PHACTR1: variants seen among roughly 807,000 people sequenced by gnomAD.
PHACTR1 encodes the protein phosphatase and actin regulator 1.
Under a neutral mutation model 69.2 loss-of-function variants are expected in PHACTR1, and 16 were observed. That is an observed-to-expected ratio of 0.23 (90% CI 0.16 to 0.35). The LOEUF is 0.35. Among genes scored for constraint, PHACTR1 ranks in the 10% least tolerant of loss-of-function variants. The pLI, the probability that PHACTR1 is intolerant of heterozygous loss-of-function variation, is 1.00. For missense variants in PHACTR1, 510 were observed against 734.7 expected, an observed-to-expected ratio of 0.69 and a Z score of 3.54; for synonymous variants, 312 against 284.5, an observed-to-expected ratio of 1.10 and a Z score of -0.97.
At chr6:12,891,176 T>G (rs1199032923) in intron 4 of PHACTR1, among the ~76,000 whole-genome samples, 1 of 152,180 alleles carries the variant, frequency 6.6e-6, no homozygotes, top group Non-Finnish European at 1.5e-5. Flanking sequence ...TAGTATCAAT[T>G]TTTCTTGGGG....
chr6:12,950,964 C>T (rs1022157047), intron 4 of PHACTR1, among the ~76,000 whole-genome samples: 8 of 152,172 alleles, frequency 5.3e-5, no homozygotes, highest in African/African-American at 1.9e-4. Flanking sequence ...ACACAAATTC[C>T]ACATGGTGCC....
At chr6:12,940,442 G>A (rs1342022298) in intron 4 of PHACTR1, among the ~76,000 whole-genome samples, 1 of 152,172 alleles carries the variant, frequency 6.6e-6, no homozygotes, top group Non-Finnish European at 1.5e-5. Flanking sequence ...CAGGGTAAGA[G>A]GCTGGAAGAG....
At chr6:13,058,807 T>G (rs1343243582) in intron 5 of PHACTR1, among the ~76,000 whole-genome samples, 1 of 152,032 alleles carries the variant, frequency 6.6e-6, no homozygotes, top group Non-Finnish European at 1.5e-5. Context: ...GTGAGCCGTC[T>G]AGGAGAGCGA....
At chr6:12,854,872 A>G (rs1780185972) in intron 4 of PHACTR1, among the ~76,000 whole-genome samples, 1 of 152,192 alleles carries the variant, frequency 6.6e-6, no homozygotes, top group Non-Finnish European at 1.5e-5. Context: ...GGCTATTATT[A>G]AAAAGTCAAA....
intron 4 of PHACTR1, among the ~76,000 whole-genome samples, chr6:12,944,787 A>ATTTATTTTTTTTTT (rs1554172585): frequency 3.4e-5 from 4 of 116,338 alleles, no homozygotes; most frequent in African/African-American, 1.3e-4. Flanking sequence ...ATTTTTATTT[A>ATTTATTTTTTTTTT]TTTTTTTTTT....
At chr6:13,237,202 A>C (rs564272042) in intron 10 of PHACTR1, among the ~76,000 whole-genome samples, 9 of 152,236 alleles carry the variant, frequency 5.9e-5, no homozygotes, top group African/African-American at 2.2e-4. Context: ...CACAGACCCC[A>C]TGTTGACAAA....
chr6:12,940,403 G>T (rs984415688), intron 4 of PHACTR1, among the ~76,000 whole-genome samples: 15 of 152,192 alleles, frequency 9.9e-5, no homozygotes, highest in Admixed American at 9.8e-4. Flanking sequence ...TTGGTTTAGG[G>T]TTACTTTTCT....
chr6:12,827,426 C>G (rs758303924), intron 4 of PHACTR1, among the ~76,000 whole-genome samples: 16 of 152,172 alleles, frequency 1.1e-4, no homozygotes, highest in Non-Finnish European at 1.3e-4. Context: ...CAAAGGCCTT[C>G]TAATCCAAAG....
Position 13,246,279 on chromosome 6 carries a change from A to C in PHACTR1, c.1391+16086A>C, listed in dbSNP as rs1373318033. Among the ~76,000 whole-genome samples, 1 of 152,224 alleles carries C rather than the reference A, an allele frequency of 6.6e-6. No individual in the cohort carries two copies. ...CTTTAAAAAACATATTCAGTTATCA[A>C]AAGGCCCATGTAAAAGGAATCCTTG... On this transcript the variant is annotated intron_variant, in intron 10 of 14. Coordinates refer to ENST00000332995, the MANE Select transcript of PHACTR1 (RefSeq NM_030948.6). This position sits in a 1 kb window ranked among gnomAD's most constrained non-coding sequence, Gnocchi z 4.2.
chr6:12,886,629 G>T (rs1783671157), intron 4 of PHACTR1, among the ~76,000 whole-genome samples: 1 of 152,158 alleles, frequency 6.6e-6, no homozygotes, highest in African/African-American at 2.4e-5. Context: ...ATCAGTGCAT[G>T]GTTGGGGAAG....
At chr6:12,911,242 CTT>C (rs1002127268) in intron 4 of PHACTR1, among the ~76,000 whole-genome samples, 1 of 152,080 alleles carries the variant, frequency 6.6e-6, no homozygotes, top group Non-Finnish European at 1.5e-5. Context: ...TTTCCAAACT[CTT>C]TGTAGGTTCG....
chr6:13,122,448 G>T lies in PHACTR1; in HGVS notation c.416-37756G>T, dbSNP rs566617378. On this transcript the variant is annotated intron_variant, in intron 5 of 14. Coordinates refer to ENST00000332995, the MANE Select transcript of PHACTR1 (RefSeq NM_030948.6). ...TCAGAAGAAGTAAAGCTTTAAAAAT[G>T]TGTGTGCACATCAGCATGGTGCTTG... 2.6e-5 allele frequency among the ~76,000 whole-genome samples: 4 copies of T among 152,292 alleles called. No homozygotes were observed. In the South Asian group the frequency reaches 8.3e-4, roughly 32 times the overall value.
intron 5 of PHACTR1, among the ~76,000 whole-genome samples, chr6:13,099,747 ATAT>A (rs1814848669): frequency 6.6e-6 from 1 of 152,226 alleles, no homozygotes; most frequent in African/African-American, 2.4e-5. Flanking sequence ...TCAACAAGAG[ATAT>A]TAATGCATAA....
chr6:12,721,411 G>A (rs1696109380), intron 3 of PHACTR1, among the ~76,000 whole-genome samples: 2 of 151,878 alleles, frequency 1.3e-5, no homozygotes, highest in Non-Finnish European at 2.9e-5. Flanking sequence ...TGAAGCCACT[G>A]CCTTGCAAAC....
intron 5 of PHACTR1, among the ~76,000 whole-genome samples, chr6:13,078,514 A>C (rs1810889464): frequency 6.6e-6 from 1 of 152,218 alleles, no homozygotes; most frequent in Non-Finnish European, 1.5e-5. Flanking sequence ...CCATAACAGC[A>C]GTGAATGAGA....
At chr6:12,753,561 T>C (rs1766878837) in intron 4 of PHACTR1, among the ~76,000 whole-genome samples, 1 of 152,228 alleles carries the variant, frequency 6.6e-6, no homozygotes, top group Non-Finnish European at 1.5e-5. Flanking sequence ...TAAGGAGGTT[T>C]AACTTCTGTT....
chr6:13,013,792 CGGGCG>C (rs1462294506), intron 4 of PHACTR1, among the ~76,000 whole-genome samples: 4 of 149,404 alleles, frequency 2.7e-5, no homozygotes, highest in African/African-American at 9.7e-5. Context: ...GCGGCCGGCG[CGGGCG>C]GGGCGGGGGC....
In PHACTR1 at chr6:12,915,522, A is replaced by AC. The variant is rs1263375629; in HGVS notation, c.251-137843_251-137842insC. ...ACTCTCTCTCAAAAAAAAAAAAAAGAAAAAAAAAAAAAACAGGAGGAGAAG... is the reference window on the plus strand; with the variant it reads ...ACTCTCTCTCAAAAAAAAAAAAAAGACAAAAAAAAAAAAACAGGAGGAGAAG... On this transcript the variant is annotated intron_variant, in intron 4 of 14. Coordinates refer to ENST00000332995, the MANE Select transcript of PHACTR1 (RefSeq NM_030948.6). Among the ~76,000 whole-genome samples, 3 of 133,754 alleles carry AC rather than the reference A, an allele frequency of 2.2e-5. No individual in the cohort carries two copies. The East Asian group carries it at 6.3e-4, about 28-fold the overall frequency. The allele number at this position is 133,754 out of a possible 152,430, so 87.7% of individuals were successfully genotyped here. A position where few individuals can be genotyped will look rare whatever the true frequency, so the allele number is the denominator to read the frequency against.
chr6:12,818,609 G>T (rs1322572212), intron 4 of PHACTR1, among the ~76,000 whole-genome samples: 1 of 152,132 alleles, frequency 6.6e-6, no homozygotes, highest in Non-Finnish European at 1.5e-5. Context: ...GTTTATATTG[G>T]CCAGTCTTCC....
Sources: allele counts gnomAD v4.1 joint callset (sites outside exome capture counted in the v4.1 genomes callset), GRCh38; gene constraint gnomAD v4.1.1; non-coding constraint Gnocchi (gnomAD v3.1); transcripts MANE v1.5; gene names NCBI Gene and HGNC (gene_info 2026-07-23, HGNC 2026-07-21).